GLTP: variants seen among roughly 807,000 people sequenced by gnomAD.
The protein encoded by GLTP is glycolipid transfer protein.
A neutral mutation model predicts 24.0 loss-of-function variants in GLTP; 22 were observed. The observed-to-expected ratio is 0.92, with a 90% confidence interval of 0.65 to 1.31. GLTP has a LOEUF of 1.31. GLTP is among the 50% of genes most tolerant of loss of function. The pLI, the probability that GLTP is intolerant of heterozygous loss-of-function variation, is 0.00. For missense variants in GLTP, 224 were observed against 276.6 expected (o/e 0.81, Z 1.35); for synonymous variants, 92 against 115.9 (o/e 0.79, Z 1.33).
rs1046617298 is a variant in GLTP at position 109,880,148 on chromosome 12, T to C, written c.103+124A>G. ...GGGTGAGTGGAGGGAAAGAGGATCTTGGGTGCCTGGGGAAACAGTACTTAG... is the reference window on the plus strand; with the variant it reads ...GGGTGAGTGGAGGGAAAGAGGATCTCGGGTGCCTGGGGAAACAGTACTTAG... On this transcript the variant is annotated intron_variant, in intron 1 of 4. Coordinates refer to ENST00000318348, the MANE Select transcript of GLTP (RefSeq NM_016433.4). This position sits in a 1 kb window ranked among gnomAD's most constrained non-coding sequence, Gnocchi z 5.1. The C allele has an allele frequency of 6.8e-6, 4 of 590,998 alleles. No homozygotes were observed. The highest frequency in any genetic ancestry group is 2.0e-5 in the African/African-American group (1 of 50,056). The allele number at this position is 590,998 out of a possible 1,614,324, so 36.6% of individuals were successfully genotyped here.
chr12:109,858,230 G>T (rs373627364), intron 2 of GLTP: 1 of 457,614 alleles, frequency 2.2e-6, no homozygotes, highest in Non-Finnish European at 4.4e-6. Flanking sequence ...AGCCTCAAAG[G>T]GCTGCTGGGA....
chr12:109,857,771 C>G lies in GLTP; in HGVS notation c.163-112G>C. The G allele has an allele frequency of 2.9e-6, 3 of 1,018,374 alleles. No homozygotes were observed. Among genetic ancestry groups the G allele is most frequent in the African/African-American group, 1.6e-5 (1 of 63,570 alleles). 63.1% of individuals were successfully genotyped at this position (1,018,374 alleles called of 1,614,324 possible). A position where few individuals can be genotyped will look rare whatever the true frequency, so the allele number is the denominator to read the frequency against. On this transcript the variant is annotated intron_variant, in intron 2 of 4. Transcript: ENST00000318348. The surrounding 1 kb of genome is among the most constrained non-coding windows in gnomAD (Gnocchi z 4.3). The stretch of plus-strand genomic sequence containing the variant: ...GCATCTCCTGCTCCTTCCTGCCCTC[C>G]AGGAACAGCAGGGATAAGACTTGTA...
intron 1 of GLTP, among the ~76,000 whole-genome samples, chr12:109,876,503 C>A (rs1377572041): frequency 2.9e-5 from 4 of 138,930 alleles, no homozygotes; most frequent in East Asian, 4.1e-4. Flanking sequence ...GAAAGAAAAA[C>A]AGAGAAGAAA....
intron 1 of GLTP, among the ~76,000 whole-genome samples, chr12:109,879,927 G>A (rs1869016188): frequency 1.3e-5 from 2 of 152,062 alleles, no homozygotes; most frequent in African/African-American, 2.4e-5. Flanking sequence ...AGGCTTTGGG[G>A]GAGATGGTGG....
rs533258667 is a variant in GLTP at position 109,855,466 on chromosome 12, C to T, written c.447+153G>A. On this transcript the variant is annotated intron_variant, in intron 4 of 4. Transcript: ENST00000318348. This position sits in a 1 kb window ranked among gnomAD's most constrained non-coding sequence, Gnocchi z 4.1. ...GGCACGGGAGGGGGACCTCTCAGTA[C>T]ACTAGCCTCACCCAAATAGATGAGG... is the stretch of plus-strand genomic sequence containing the variant. Among the ~76,000 whole-genome samples the T allele has an allele frequency of 6.6e-6, 1 of 152,266 alleles. No individual in the cohort carries two copies. The highest frequency in any genetic ancestry group is 2.1e-4 in the South Asian group (1 of 4,820).
chr12:109,872,706 T>C (rs1233914475), intron 1 of GLTP, among the ~76,000 whole-genome samples: 1 of 152,184 alleles, frequency 6.6e-6, no homozygotes, highest in Non-Finnish European at 1.5e-5. Context: ...GTTTCAAAAT[T>C]GTACAGCCAT....
rs1231049155 is a variant in GLTP at position 109,880,260 on chromosome 12, A to G, written c.103+12T>C. ...GGGCTGCGGGCCGCCTCCCCCCTCC[A>G]TTCCGGCTCACCGAAGAAGGGCGGC... On this transcript the variant is annotated intron_variant, in intron 1 of 4. Coordinates refer to ENST00000318348, the MANE Select transcript of GLTP (RefSeq NM_016433.4). The surrounding 1 kb of genome is among the most constrained non-coding windows in gnomAD (Gnocchi z 5.1). 6.5e-7 allele frequency: 1 copy of G among 1,546,866 alleles called. No homozygotes were observed. Among genetic ancestry groups the G allele is most frequent in the Admixed American group, 1.7e-5 (1 of 59,384 alleles).
chr12:109,869,633 T>TG (rs938438881), intron 1 of GLTP, among the ~76,000 whole-genome samples: 4 of 150,476 alleles, frequency 2.7e-5, no homozygotes, highest in Non-Finnish European at 4.4e-5. Context: ...TTTTTTTTTT[T>TG]TTGTTTTTTT....
Position 109,868,340 on chromosome 12 carries a change from G to C in GLTP, c.104-9599C>G, listed in dbSNP as rs554230553. Among the ~76,000 whole-genome samples the C allele has an allele frequency of 3.4e-4, 52 of 152,276 alleles. No individual in the cohort carries two copies. The South Asian group carries it at 0.011, about 31-fold the overall frequency. On this transcript the variant is annotated intron_variant, in intron 1 of 4. Transcript: ENST00000318348. The stretch of plus-strand genomic sequence containing the variant: ...TTCCTCTTTTTCTGGCCTCAAGAGA[G>C]TTGGACAGTACTGGTCGTTATGCTC...
intron 4 of GLTP, among the ~76,000 whole-genome samples, chr12:109,853,870 G>A (rs918359476): frequency 1.1e-4 from 17 of 151,196 alleles, no homozygotes; most frequent in African/African-American, 4.1e-4. Flanking sequence ...AACCTCCCGA[G>A]TAGCTGGGAC....
At chr12:109,872,245 G>A (rs1398900954) in intron 1 of GLTP, among the ~76,000 whole-genome samples, 1 of 152,202 alleles carries the variant, frequency 6.6e-6, no homozygotes, top group Non-Finnish European at 1.5e-5. Flanking sequence ...GCTCCTGCCT[G>A]GACTCACCAC....
intron 1 of GLTP, among the ~76,000 whole-genome samples, chr12:109,869,622 ATT>A (rs1186003385): frequency 7.3e-6 from 1 of 136,828 alleles, no homozygotes; most frequent in African/African-American, 2.7e-5. Context: ...CACCCAGCTA[ATT>A]TTTTTTTTTT....
intron 1 of GLTP, among the ~76,000 whole-genome samples, chr12:109,873,189 A>T (rs11068698): frequency 0.06 from 7,882 of 131,546 alleles, 295 homozygotes; most frequent in East Asian, 0.13. Context: ...CTTTAAATTT[A>T]AAAAAAAAAA....
chr12:109,852,331 T>G lies in GLTP; in HGVS notation c.*224A>C. On this transcript the variant is annotated 3_prime_UTR_variant, in exon 5 of 5. Coordinates refer to ENST00000318348, the MANE Select transcript of GLTP (RefSeq NM_016433.4). ...GTGCTGTCGTGAAATTCCAAGGAGA[T>G]TTGGAAGTAAGATCATTATTTACTG... The G allele has an allele frequency of 2.4e-6, 1 of 422,960 alleles. No individual in the cohort carries two copies. Among genetic ancestry groups the G allele is most frequent in the Non-Finnish European group, 4.1e-6 (1 of 244,478 alleles). The allele number at this position is 422,960 out of a possible 1,614,324, so 26.2% of individuals were successfully genotyped here.
intron 1 of GLTP, among the ~76,000 whole-genome samples, chr12:109,862,847 T>C (rs773650600): frequency 7.3e-5 from 11 of 151,206 alleles, no homozygotes; most frequent in Non-Finnish European, 1.6e-4. Context: ...AGGTCAGGAG[T>C]TCAAGACCAG....
At position 109,857,611 on chromosome 12, in the gene GLTP, G is replaced by T; in HGVS notation, c.211C>A (p.Gln71Lys). 1.2e-6 allele frequency: 2 copies of T among 1,613,996 alleles called. No individual in the cohort carries two copies. Among genetic ancestry groups the T allele is most frequent in the Non-Finnish European group, 1.7e-6 (2 of 1,179,860 alleles). Residue 71 changes from glutamine (Q) to lysine (K), a missense_variant, in exon 3 of 5, where the codon CAG (glutamine) becomes AAG (lysine). Coordinates refer to ENST00000318348, the MANE Select transcript of GLTP (RefSeq NM_016433.4). This position sits in a 1 kb window ranked among gnomAD's most constrained non-coding sequence, Gnocchi z 4.3. ...DTNPAKFRTL[Q>K]NILEVEKEMY... The stretch of plus-strand genomic sequence containing the variant: ...TCTTTCTCCACCTCCAGGATGTTCT[G>T]CAGGGTCCGGAACTTGGCTGGGTTG...
chr12:109,871,374 T>C lies in GLTP; in HGVS notation c.103+8898A>G, dbSNP rs538360398. Among the ~76,000 whole-genome samples the C allele has an allele frequency of 1.2e-4, 19 of 152,274 alleles. No individual in the cohort carries two copies. In the East Asian group the frequency reaches 3.5e-3, roughly 28 times the overall value. On this transcript the variant is annotated intron_variant, in intron 1 of 4. Coordinates refer to ENST00000318348, the MANE Select transcript of GLTP (RefSeq NM_016433.4). ...TGTTGGGATTACAGGCATGAGCCAC[T>C]GCGCCCGGCCCCAATATTTCCATTC...
intron 1 of GLTP, among the ~76,000 whole-genome samples, chr12:109,869,129 G>A (rs1397124872): frequency 1.3e-5 from 2 of 151,770 alleles, no homozygotes. Flanking sequence ...GTGTGAACCC[G>A]TTTCTACTAA....
chr12:109,876,523 A>G (rs1592895139), intron 1 of GLTP, among the ~76,000 whole-genome samples: 1 of 146,092 alleles, frequency 6.8e-6, no homozygotes, highest in African/African-American at 2.5e-5. Flanking sequence ...AGAAAGAGGG[A>G]GGGAGGGAAG....
Sources: allele counts gnomAD v4.1 joint callset (sites outside exome capture counted in the v4.1 genomes callset), GRCh38; gene constraint gnomAD v4.1.1; non-coding constraint Gnocchi (gnomAD v3.1); transcripts MANE v1.5; gene names NCBI Gene and HGNC (gene_info 2026-07-23, HGNC 2026-07-21).